TMEM231: variants seen among roughly 807,000 people sequenced by gnomAD.
TMEM231 encodes transmembrane protein 231.
A neutral mutation model predicts 38.5 loss-of-function variants in TMEM231; 40 were observed. The observed-to-expected ratio is 1.04, with a 90% CI of 0.81 to 1.35. TMEM231 has a LOEUF of 1.35. Among genes scored for constraint, TMEM231 ranks in the 40% most tolerant of loss-of-function variants. The probability of loss-of-function intolerance (pLI) is 0.00; values close to 1 mark genes in which losing one functional copy is unlikely to be tolerated. For missense variants in TMEM231, 420 were observed against 416.9 expected, an observed-to-expected ratio of 1.01 and a Z score of -0.07; for synonymous variants, 199 against 181.7, an observed-to-expected ratio of 1.10 and a Z score of -0.77.
intron 2 of TMEM231, chr16:75,546,195 C>A: frequency 1.7e-6 from 2 of 1,209,644 alleles, no homozygotes; most frequent in South Asian, 1.3e-5. Flanking sequence ...AATAAATGGG[C>A]AATAACAAAA....
intron 2 of TMEM231, among the ~76,000 whole-genome samples, chr16:75,550,803 G>GC (rs1464989515): frequency 6.7e-6 from 1 of 148,492 alleles, no homozygotes; most frequent in Admixed American, 6.9e-5. Context: ...TGCAATCTCC[G>GC]CCTCCCGGGT....
In TMEM231 at chr16:75,545,927, C is replaced by A. The variant is rs1384348548; in HGVS notation, c.337G>T (p.Gly113Trp). 2.0e-6 allele frequency: 3 copies of A among 1,526,246 alleles called. No individual in the cohort carries two copies. In the South Asian group the frequency reaches 3.7e-5, roughly 19 times the overall value. The allele number at this position is 1,526,246 out of a possible 1,614,324, so 94.5% of individuals were successfully genotyped here. Residue 113 changes from glycine to tryptophan, a missense_variant, in exon 3 of 7, where the codon GGG (glycine) becomes TGG (tryptophan). Gly to Trp is a radical substitution (Grantham distance 184). Coordinates refer to ENST00000258173, the MANE Select transcript of TMEM231 (RefSeq NM_001077418.3). The part of the protein sequence containing the change: ...STREEDRNQD[G>W]KTDMLHFKLE... ...TTAAAATGTAACATGTCCGTCTTCC[C>A]ATCCTGGTTCCTGTCTTCTTCTCTA...
chr16:75,542,419 G>C, intron 5 of TMEM231, 183 bp downstream of exon 5: 1 of 613,932 alleles, frequency 1.6e-6, no homozygotes, highest in Non-Finnish European at 3.0e-6. Context: ...GGGTGGGGGC[G>C]GTCCCAGGTC....
At chr16:75,548,028 T>G (rs1003765948) in intron 2 of TMEM231, among the ~76,000 whole-genome samples, 3 of 152,176 alleles carry the variant, frequency 2.0e-5, no homozygotes, top group African/African-American at 7.2e-5. Flanking sequence ...TTTCCTTTGA[T>G]CTTTACAATA....
intron 6 of TMEM231, among the ~76,000 whole-genome samples, chr16:75,540,450 C>G (rs567782113): frequency 1.3e-5 from 2 of 152,220 alleles, no homozygotes; most frequent in Admixed American, 6.5e-5. Flanking sequence ...TGTTAACCAG[C>G]CATCCATCCA....
At chr16:75,541,284 T>G (rs901771300) in intron 6 of TMEM231, 66 bp downstream of exon 6, 74 of 1,240,498 alleles carry the variant, frequency 6.0e-5, no homozygotes, top group Non-Finnish European at 6.4e-5. Context: ...CCTCCCAAAG[T>G]GCTGAAATTA....
rs549400559 is a variant in TMEM231 at position 75,545,437 on chromosome 16, G to A, written c.497C>T (p.Pro166Leu). The change falls in exon 4 of 7, where the codon CCG becomes CTG. Residue 166 changes from proline to leucine, a missense_variant. Pro to Leu is a moderately conservative substitution (Grantham distance 98, BLOSUM62 -3). Coordinates refer to ENST00000258173, the MANE Select transcript of TMEM231 (RefSeq NM_001077418.3). ...TCCGTTCACGTATAACTGGGATCCC[G>A]GGACAGGAAAGGAGGACTGGAGAAA... ...MAFLQSSFPVPGSQLYVNGDL... is the reference protein window; with the variant it reads ...MAFLQSSFPVLGSQLYVNGDL... 11 of 1,605,564 alleles carry A rather than the reference G, an allele frequency of 6.9e-6. No homozygotes were observed. Among genetic ancestry groups the A allele is most frequent in the African/African-American group, 1.4e-5 (1 of 73,654 alleles).
chr16:75,541,208 CAG>C (rs2080623736), intron 6 of TMEM231, 140 bp downstream of exon 6: 2 of 362,350 alleles, frequency 5.5e-6, no homozygotes, highest in African/African-American at 2.3e-5. Flanking sequence ...TTGGTAGAGA[CAG>C]GGACTCACTA....
chr16:75,544,295 A>G (rs560081508), intron 4 of TMEM231, among the ~76,000 whole-genome samples: 6 of 152,326 alleles, frequency 3.9e-5, no homozygotes, highest in South Asian at 2.1e-4. Flanking sequence ...GAATGGTGGA[A>G]GGAGGGGCTG....
chr16:75,541,250 G>A (rs1567434489), intron 6 of TMEM231, 100 bp downstream of exon 6: 1 of 691,404 alleles, frequency 1.4e-6, no homozygotes, highest in Non-Finnish European at 2.2e-6. Flanking sequence ...GAACTCCTGG[G>A]TTCAAATGAT....
Position 75,545,351 on chromosome 16 carries a change from C to T in TMEM231, c.582+1G>A, listed in dbSNP as rs752141701. 28 of 1,612,380 alleles carry T rather than the reference C, an allele frequency of 1.7e-5. No individual in the cohort carries two copies. Among genetic ancestry groups the T allele is most frequent in the South Asian group, 1.2e-4 (11 of 91,008 alleles). ...AGCTGGACAATGAGAAGCGCTCTTA[C>T]GTTGTATCGGGCATCTAGGCCACCA... On this transcript the variant is annotated splice_donor_variant, in intron 4 of 6. Coordinates refer to ENST00000258173, the MANE Select transcript of TMEM231 (RefSeq NM_001077418.3). LOFTEE classifies it high-confidence loss of function.
rs190708568 is a variant in TMEM231 at position 75,547,577 on chromosome 16, G to A, written c.310-1623C>T. Among the ~76,000 whole-genome samples the A allele has an allele frequency of 7.1e-4, 108 of 151,866 alleles. 1 individual carries two copies. In the East Asian group the frequency reaches 0.011, roughly 16 times the overall value. The stretch of plus-strand genomic sequence containing the variant: ...TTGCGGATCATGAGGTCAGAAGATC[G>A]AGACCATCCTGGCCAACATGGTGAA... On this transcript the variant is annotated intron_variant, in intron 2 of 6. Coordinates refer to ENST00000258173, the MANE Select transcript of TMEM231 (RefSeq NM_001077418.3).
intron 5 of TMEM231, chr16:75,541,836 T>C (rs2080631464): frequency 6.4e-6 from 1 of 155,794 alleles, no homozygotes; most frequent in South Asian, 2.0e-4. Flanking sequence ...AATGGCTGTA[T>C]AAAAAGATCT....
chr16:75,545,463 C>T lies in TMEM231; in HGVS notation c.471G>A (p.Ala157=), dbSNP rs375273015. The change falls in exon 4 of 7, where the codon GCG becomes GCA. Residue 157 remains alanine (A), a synonymous_variant. Transcript: ENST00000258173. ...GGACAGGAAAGGAGGACTGGAGAAA[C>T]GCCATGCTCTGCATCACGAGGGTCG... The part of the protein sequence containing the change: ...RMATLVMQSM[A]FLQSSFPVPG... The T allele has an allele frequency of 1.5e-4, 243 of 1,590,712 alleles. No homozygotes were observed. The African/African-American group carries it at 2.4e-3, about 16-fold the overall frequency.
intron 2 of TMEM231, among the ~76,000 whole-genome samples, chr16:75,551,182 C>G (rs2080756393): frequency 6.6e-6 from 1 of 152,168 alleles, no homozygotes; most frequent in South Asian, 2.1e-4. Flanking sequence ...TCCTTTCCAC[C>G]TTTCTACCTG....
chr16:75,547,461 TC>T (rs893753743), intron 2 of TMEM231, among the ~76,000 whole-genome samples: 3 of 152,214 alleles, frequency 2.0e-5, no homozygotes, highest in African/African-American at 7.2e-5. Flanking sequence ...TTCATCAGCT[TC>T]GGGGAGGGAT....
chr16:75,550,983 C>T (rs2080754243), intron 2 of TMEM231, among the ~76,000 whole-genome samples: 1 of 152,160 alleles, frequency 6.6e-6, no homozygotes, highest in African/African-American at 2.4e-5. Flanking sequence ...TCCCAAAGTG[C>T]TGGGATTACA....
intron 2 of TMEM231, among the ~76,000 whole-genome samples, chr16:75,551,001 G>A (rs1425586145): frequency 6.6e-6 from 1 of 152,174 alleles, no homozygotes; most frequent in African/African-American, 2.4e-5. Context: ...ACAGGCGTGA[G>A]CCACTGCGCC....
rs555675183 is a variant in TMEM231, at chr16:75,545,336, T to C, written c.582+16A>G. On this transcript the variant is annotated intron_variant, in intron 4 of 6. Transcript: ENST00000258173. ...ACAGAGAAACAAAGGAGCTGGACAA[T>C]GAGAAGCGCTCTTACGTTGTATCGG... 4.4e-6 allele frequency: 7 copies of C among 1,605,178 alleles called. No homozygotes were observed. In the African/African-American group the frequency reaches 6.7e-5, roughly 15 times the overall value.
Sources: gnomAD v4.1 joint callset for allele counts (sites outside exome capture counted in the v4.1 genomes callset) on GRCh38, gnomAD v4.1.1 for gene constraint, MANE v1.5 for transcripts, NCBI Gene and HGNC (gene_info 2026-07-23, HGNC 2026-07-21) for gene names.